MLLT10: variants seen among roughly 807,000 people sequenced by gnomAD.
MLLT10 encodes protein AF-10.
Under a neutral mutation model 129.1 loss-of-function variants are expected in MLLT10, and 30 were observed. The observed-to-expected ratio is 0.23, with a 90% confidence interval of 0.17 to 0.32. MLLT10 has a LOEUF of 0.32. Among genes scored for constraint, MLLT10 ranks in the 10% least tolerant of loss-of-function variants. The pLI, the probability that MLLT10 is intolerant of heterozygous loss-of-function variation, is 1.00. For missense variants in MLLT10, 1,119 were observed against 1,268.3 expected (o/e 0.88, Z 1.79); for synonymous variants, 490 against 446.4 (o/e 1.10, Z -1.23).
chr10:21,659,140 ACT>A (rs1194950885), intron 9 of MLLT10, among the ~76,000 whole-genome samples: 1 of 149,690 alleles, frequency 6.7e-6, no homozygotes, highest in Non-Finnish European at 1.5e-5. Flanking sequence ...TACTTATCTC[ACT>A]CTGTGGCTTA....
chr10:21,626,554 G>A (rs1159765647), intron 8 of MLLT10, among the ~76,000 whole-genome samples: 2 of 152,184 alleles, frequency 1.3e-5, no homozygotes, highest in East Asian at 1.9e-4. Context: ...TAACCCAAAC[G>A]CCTTTTAATG....
At chr10:21,619,189 A>T (rs2131219720) in intron 8 of MLLT10, among the ~76,000 whole-genome samples, 1 of 152,296 alleles carries the variant, frequency 6.6e-6, no homozygotes, top group East Asian at 1.9e-4. Context: ...GATTGCTGAT[A>T]AAAAATAGCA....
chr10:21,725,704 G>A (rs1205468767), intron 14 of MLLT10, among the ~76,000 whole-genome samples: 1 of 129,510 alleles, frequency 7.7e-6, no homozygotes, highest in Non-Finnish European at 1.6e-5. Context: ...CTGGGTAAGA[G>A]TGAAACTCTT....
intron 3 of MLLT10, among the ~76,000 whole-genome samples, chr10:21,578,190 T>C (rs2040997182): frequency 6.6e-6 from 1 of 152,228 alleles, no homozygotes; most frequent in Non-Finnish European, 1.5e-5. Context: ...CCACTGCACC[T>C]GGCCTGGTGT....
chr10:21,708,613 A>C, intron 13 of MLLT10: 1 of 985,284 alleles, frequency 1.0e-6, no homozygotes, highest in Non-Finnish European at 1.2e-6. Context: ...ATATTGTTTC[A>C]AAGTGTGATT....
At chr10:21,623,573 A>G (rs2046119279) in intron 8 of MLLT10, among the ~76,000 whole-genome samples, 1 of 152,250 alleles carries the variant, frequency 6.6e-6, no homozygotes, top group South Asian at 2.1e-4. Context: ...TATATATGTC[A>G]CAACTGTAAA....
chr10:21,713,010 T>A (rs997780543), intron 13 of MLLT10, among the ~76,000 whole-genome samples: 5 of 152,206 alleles, frequency 3.3e-5, no homozygotes, highest in Admixed American at 6.5e-5. Context: ...TTTCCCACCT[T>A]ATTTCTGGCT....
chr10:21,645,496 A>C (rs894088341), intron 8 of MLLT10, among the ~76,000 whole-genome samples: 4 of 152,226 alleles, frequency 2.6e-5, no homozygotes, highest in Non-Finnish European at 5.9e-5. Flanking sequence ...GAATTGAGTC[A>C]TATTAAAATA....
At chr10:21,707,223 C>G (rs989917141) in intron 13 of MLLT10, among the ~76,000 whole-genome samples, 2 of 122,408 alleles carry the variant, frequency 1.6e-5, no homozygotes, top group African/African-American at 6.5e-5. Context: ...GACGGAGTTT[C>G]GCTCTGTTGC....
At chr10:21,546,978 G>A (rs1282179483) in intron 3 of MLLT10, among the ~76,000 whole-genome samples, 2 of 151,774 alleles carry the variant, frequency 1.3e-5, no homozygotes, top group Non-Finnish European at 2.9e-5. Context: ...GTGCCTCAGC[G>A]TCCCAAAGTC....
chr10:21,538,912 G>A lies in MLLT10; in HGVS notation c.240G>A (p.Val80=). 6.2e-7 allele frequency: 1 copy of A among 1,609,054 alleles called. No homozygotes were observed. The highest frequency in any genetic ancestry group is 8.5e-7 in the Non-Finnish European group (1 of 1,175,716). ...AATCTCAGGAGAGAGCAGCCAGAGT[G>A]GTAAGGACTATTTATCAAAAACATT... ...KCESQERAAR[V]RCELCPHKDG... Residue 80 remains valine (V), a splice_region_variant and synonymous_variant, in exon 3 of 23, where the codon GTG becomes GTA. Transcript: ENST00000307729.
intron 8 of MLLT10, chr10:21,625,459 A>C (rs1340597504): frequency 2.0e-6 from 2 of 996,000 alleles, no homozygotes; most frequent in Non-Finnish European, 3.2e-6. Context: ...TGACTTCTGG[A>C]TATGGTTCTT....
At chr10:21,631,858 T>C (rs943048635) in intron 8 of MLLT10, among the ~76,000 whole-genome samples, 1 of 151,346 alleles carries the variant, frequency 6.6e-6, no homozygotes, top group Non-Finnish European at 1.5e-5. Context: ...AGCCAAACGA[T>C]ATCAGAGGTA....
Position 21,742,494 on chromosome 10 carries a change from T to C in MLLT10, c.*511T>C, listed in dbSNP as rs551380694. The C allele has an allele frequency of 4.6e-6, 1 of 215,138 alleles. No individual in the cohort carries two copies. The highest frequency in any genetic ancestry group is 7.0e-5 in the East Asian group (1 of 14,284). The allele number at this position is 215,138 out of a possible 1,614,324, so 13.3% of individuals were successfully genotyped here. A position where few individuals can be genotyped will look rare whatever the true frequency, so the allele number is the denominator to read the frequency against. ...GCATTGATTCAGTATTACAAATATA[T>C]AGCACATCACCTGGGACTTGGCAAT... is the stretch of plus-strand genomic sequence containing the variant. On this transcript the variant is annotated 3_prime_UTR_variant, in exon 23 of 23. Coordinates refer to ENST00000307729, the MANE Select transcript of MLLT10 (RefSeq NM_001195626.3).
At chr10:21,573,713 C>T (rs774110590) in intron 3 of MLLT10, among the ~76,000 whole-genome samples, 4 of 151,696 alleles carry the variant, frequency 2.6e-5, no homozygotes, top group Non-Finnish European at 4.4e-5. Flanking sequence ...ATTACAGGCA[C>T]GTGCCACCAT....
intron 13 of MLLT10, chr10:21,688,499 G>C: frequency 1.9e-6 from 3 of 1,612,304 alleles, no homozygotes; most frequent in Non-Finnish European, 2.5e-6. Context: ...AGACAGAGGT[G>C]ACAGTTCTAC....
chr10:21,569,667 C>T (rs899617013), intron 3 of MLLT10, among the ~76,000 whole-genome samples: 4 of 151,914 alleles, frequency 2.6e-5, no homozygotes, highest in East Asian at 1.9e-4. Context: ...GTGATCTGCC[C>T]GCCTCAGGCT....
chr10:21,561,446 A>G (rs2038788642), intron 3 of MLLT10, among the ~76,000 whole-genome samples: 1 of 152,096 alleles, frequency 6.6e-6, no homozygotes, highest in Non-Finnish European at 1.5e-5. Context: ...TTTTTAGTAG[A>G]GACAGGGTTT....
intron 13 of MLLT10, among the ~76,000 whole-genome samples, chr10:21,700,041 A>C (rs1042774612): frequency 6.6e-6 from 1 of 150,738 alleles, no homozygotes; most frequent in African/African-American, 2.4e-5. Flanking sequence ...TGTCCTTTTC[A>C]ATTTCTTTCA....
Sources: allele counts gnomAD v4.1 joint callset (sites outside exome capture counted in the v4.1 genomes callset), GRCh38; gene constraint gnomAD v4.1.1; transcripts MANE v1.5; gene names NCBI Gene and HGNC (gene_info 2026-07-23, HGNC 2026-07-21).